Variants in ADGRD1 observed in about 807,000 individuals in gnomAD.
ADGRD1 encodes the protein G-protein coupled receptor 133.
Under a neutral mutation model 113.4 loss-of-function variants are expected in ADGRD1, and 77 were observed. The ratio of observed to expected loss-of-function variants is 0.68; its 90% CI spans 0.57 to 0.82. The LOEUF is 0.82. Among genes scored for constraint, ADGRD1 ranks in the 40% least tolerant of loss-of-function variants. The pLI is 0.00. For missense variants in ADGRD1, 1,036 were observed against 1,139.1 expected (o/e 0.91, Z 1.30); for synonymous variants, 474 against 475.0 (o/e 1.00, Z 0.03).
chr12:130,974,443 A>G (rs1255716956), intron 4 of ADGRD1, among the ~76,000 whole-genome samples: 1 of 152,240 alleles, frequency 6.6e-6, no homozygotes, highest in Non-Finnish European at 1.5e-5. Flanking sequence ...ATATTCCCTA[A>G]TAATCATAAT....
At chr12:131,068,646 C>T (rs1396561911) in intron 13 of ADGRD1, among the ~76,000 whole-genome samples, 1 of 152,196 alleles carries the variant, frequency 6.6e-6, no homozygotes, top group Non-Finnish European at 1.5e-5. Flanking sequence ...CTGGCATTAG[C>T]AATGCTTTCC....
rs1881647419 is a variant in ADGRD1 at position 131,037,601 on chromosome 12, CCGGG to C, written c.1473+23262_1473+23265del. ...ACTGCATGGGGCCGCACTCACTGCACCGGGTCTCACTCACTGCACCAGGATCTTA... is the reference window on the plus strand; with the variant it reads ...ACTGCATGGGGCCGCACTCACTGCACTCTCACTCACTGCACCAGGATCTTA... On this transcript the variant is annotated intron_variant, in intron 13 of 24. Transcript: ENST00000261654. 1.3e-4 allele frequency among the ~76,000 whole-genome samples: 2 copies of C among 15,778 alleles called. 1 individual carries two copies. Among genetic ancestry groups the C allele is most frequent in the African/African-American group, 8.9e-4 (2 of 2,242 alleles). The allele number at this position is 15,778 out of a possible 152,430, so 10.4% of individuals were successfully genotyped here.
intron 15 of ADGRD1, among the ~76,000 whole-genome samples, chr12:131,090,895 T>C (rs1468329085): frequency 6.6e-6 from 1 of 152,222 alleles, no homozygotes; most frequent in Non-Finnish European, 1.5e-5. Flanking sequence ...CGTGTACCAA[T>C]TTATTGCTCC....
chr12:130,955,689 C>T (rs1869475802), intron 2 of ADGRD1, among the ~76,000 whole-genome samples: 2 of 152,208 alleles, frequency 1.3e-5, no homozygotes, highest in South Asian at 4.1e-4. Context: ...AGCCTCTGCC[C>T]CCGCCCCACC....
intron 13 of ADGRD1, among the ~76,000 whole-genome samples, chr12:131,015,568 A>G (rs1305621504): frequency 6.7e-6 from 1 of 149,652 alleles, no homozygotes; most frequent in African/African-American, 2.5e-5. Context: ...ATGGAGATGG[A>G]GATGGGAATG....
At chr12:131,038,514 G>C (rs1175596290) in intron 13 of ADGRD1, among the ~76,000 whole-genome samples, 1 of 152,242 alleles carries the variant, frequency 6.6e-6, no homozygotes, top group African/African-American at 2.4e-5. Context: ...TCTGTGACTG[G>C]GGCCAGACAA....
chr12:130,961,206 A>G (rs773655219), intron 2 of ADGRD1, among the ~76,000 whole-genome samples: 24 of 152,234 alleles, frequency 1.6e-4, no homozygotes, highest in Non-Finnish European at 3.1e-4. Flanking sequence ...ATCTGGAAGA[A>G]AAATGGAAAA....
rs1475461181 is a variant in ADGRD1, at chr12:131,113,479, T to C, written c.2041+4602T>C. 6.6e-6 allele frequency among the ~76,000 whole-genome samples: 1 copy of C among 152,206 alleles called. No individual in the cohort carries two copies. The highest frequency in any genetic ancestry group is 1.5e-5 in the Non-Finnish European group (1 of 68,036). On this transcript the variant is annotated intron_variant, in intron 18 of 24. Transcript: ENST00000261654. The surrounding 1 kb of genome is among the most constrained non-coding windows in gnomAD (Gnocchi z 4.9). ...GTTGTTGTAAAACACTGACCAGACA[T>C]GAGGGACCTGCTACTTGTTTCAAAT...
intron 4 of ADGRD1, chr12:130,980,997 A>G (rs1872913871): frequency 6.6e-6 from 1 of 152,226 alleles, no homozygotes; most frequent in Non-Finnish European, 1.5e-5. Context: ...TGGGGTCAGG[A>G]CTTACCACGA....
intron 6 of ADGRD1, chr12:130,987,822 G>C (rs959327591): frequency 2.2e-5 from 4 of 178,664 alleles, no homozygotes; most frequent in African/African-American, 9.4e-5. Flanking sequence ...GTGAGACTTT[G>C]GGAAGTCATT....
At chr12:131,089,535 T>A (rs1257627485) in intron 15 of ADGRD1, among the ~76,000 whole-genome samples, 1 of 152,100 alleles carries the variant, frequency 6.6e-6, no homozygotes, top group African/African-American at 2.4e-5. Flanking sequence ...AACTGTTGGA[T>A]ACCCCCTGCC....
rs561697241 is a variant in ADGRD1 at position 131,087,350 on chromosome 12, C to T, written c.1671+2687C>T. On this transcript the variant is annotated intron_variant, in intron 15 of 24. Coordinates refer to ENST00000261654, the MANE Select transcript of ADGRD1 (RefSeq NM_198827.5). ...ACACACACCCAGCATCCTAGACCTA[C>T]GTGCTTTGGAGCCTGGACCCAGGAG... 3.6e-4 allele frequency among the ~76,000 whole-genome samples: 55 copies of T among 152,354 alleles called. No individual in the cohort carries two copies. In the South Asian group the frequency reaches 0.01, roughly 29 times the overall value.
chr12:131,107,849 TG>T (rs985166301), intron 17 of ADGRD1, among the ~76,000 whole-genome samples: 1 of 152,226 alleles, frequency 6.6e-6, no homozygotes, highest in African/African-American at 2.4e-5. Flanking sequence ...CTAACTGCCT[TG>T]GGCGTATCTG....
At position 131,138,352 on chromosome 12, in the gene ADGRD1, C is replaced by G. The variant is rs560195764; in HGVS notation, c.2529+123C>G. ...CGGGTGCCCAGCAGTCTTTGTCCCC[C>G]TCTCATGCCTGCAGGCTGCACGTGC... On this transcript the variant is annotated intron_variant, in intron 24 of 24. Coordinates refer to ENST00000261654, the MANE Select transcript of ADGRD1 (RefSeq NM_198827.5). The G allele has an allele frequency of 2.6e-5, 19 of 737,968 alleles. No homozygotes were observed. In the African/African-American group the frequency reaches 2.6e-4, roughly 10 times the overall value. 45.7% of individuals were successfully genotyped at this position (737,968 alleles called of 1,614,324 possible).
intron 13 of ADGRD1, among the ~76,000 whole-genome samples, chr12:131,048,772 CG>C (rs1269606852): frequency 6.6e-6 from 1 of 152,156 alleles, no homozygotes; most frequent in African/African-American, 2.4e-5. Flanking sequence ...CTGTGCACCA[CG>C]GGGCTACACC....
intron 17 of ADGRD1, 75 bp downstream of exon 17, chr12:131,105,940 G>A: frequency 9.3e-7 from 1 of 1,078,518 alleles, no homozygotes; most frequent in African/African-American, 1.5e-5. Flanking sequence ...GGCACCTTCT[G>A]CTAGCTTTTT....
At chr12:131,061,372 C>T (rs1440287578) in intron 13 of ADGRD1, among the ~76,000 whole-genome samples, 1 of 152,174 alleles carries the variant, frequency 6.6e-6, no homozygotes, top group African/African-American at 2.4e-5. Flanking sequence ...TTCCCTGTTC[C>T]TGTGCAGAAC....
intron 13 of ADGRD1, among the ~76,000 whole-genome samples, chr12:131,033,589 C>T (rs891168509): frequency 1.2e-4 from 19 of 152,164 alleles, no homozygotes; most frequent in African/African-American, 4.3e-4. Context: ...TCAGTGAAGA[C>T]GGGAGTGTGT....
chr12:130,995,156 G>A (rs1875067731), intron 8 of ADGRD1, among the ~76,000 whole-genome samples: 1 of 152,208 alleles, frequency 6.6e-6, no homozygotes, highest in Non-Finnish European at 1.5e-5. Flanking sequence ...GTTGGTGGTG[G>A]GGCTGGCAGG....
Sources: gnomAD v4.1 joint callset for allele counts (sites outside exome capture counted in the v4.1 genomes callset) on GRCh38, gnomAD v4.1.1 for gene constraint, Gnocchi (gnomAD v3.1) non-coding constraint, MANE v1.5 for transcripts, NCBI Gene and HGNC (gene_info 2026-07-23, HGNC 2026-07-21) for gene names.